Variants in EIF2AK1 observed in about 807,000 individuals in gnomAD.
The protein encoded by EIF2AK1 is eukaryotic translation initiation factor 2 alpha kinase 1.
Under a neutral mutation model 77.9 loss-of-function variants are expected in EIF2AK1, and 54 were observed. The ratio of observed to expected loss-of-function variants is 0.69; its 90% CI spans 0.56 to 0.87. EIF2AK1 has a LOEUF of 0.87. Among genes scored for constraint, EIF2AK1 ranks in the 40% least tolerant of loss-of-function variants. EIF2AK1 has a pLI of 0.00. For missense variants in EIF2AK1, 810 were observed against 768.6 expected, an observed-to-expected ratio of 1.05 and a Z score of -0.64; for synonymous variants, 314 against 290.5, an observed-to-expected ratio of 1.08 and a Z score of -0.82.
chr7:6,027,006 T>C lies in EIF2AK1; in HGVS notation c.1531-45A>G, dbSNP rs1787766953. The C allele has an allele frequency of 1.3e-6, 2 of 1,503,442 alleles. No individual in the cohort carries two copies. Among genetic ancestry groups the C allele is most frequent in the Non-Finnish European group, 1.8e-6 (2 of 1,085,690 alleles). The allele number at this position is 1,503,442 out of a possible 1,614,324, so 93.1% of individuals were successfully genotyped here. The stretch of plus-strand genomic sequence containing the variant: ...GGAACTCAGTAGTGAAATACAAAGT[T>C]AGAAGAACGTTTCCATTTCCGTGTT... On this transcript the variant is annotated intron_variant, in intron 13 of 14. Transcript: ENST00000199389. The surrounding 1 kb of genome is among the most constrained non-coding windows in gnomAD (Gnocchi z 4.5).
At chr7:6,049,801 T>A (rs1201758304) in intron 3 of EIF2AK1, 111 bp downstream of exon 3, 1 of 1,121,382 alleles carries the variant, frequency 8.9e-7, no homozygotes, top group Non-Finnish European at 1.3e-6. Context: ...CTAGAGTTTA[T>A]ACTTTTAAAA....
chr7:6,044,054 G>A (rs915517837), intron 7 of EIF2AK1, among the ~76,000 whole-genome samples: 1 of 150,522 alleles, frequency 6.6e-6, no homozygotes, highest in Non-Finnish European at 1.5e-5. Context: ...AGCAAAGATC[G>A]CGCCACTACA....
chr7:6,029,150 T>C, intron 11 of EIF2AK1, 118 bp from the exon 12 acceptor site: 1 of 849,606 alleles, frequency 1.2e-6, no homozygotes, highest in South Asian at 1.6e-5. Context: ...AGTTAAATAT[T>C]TGAGGAATAG....
rs1199097037 is a variant in EIF2AK1 at position 6,044,808 on chromosome 7, G to A, written c.631-147C>T. 4 of 672,864 alleles carry A rather than the reference G, an allele frequency of 5.9e-6. No homozygotes were observed. The East Asian group carries it at 1.1e-4, about 19-fold the overall frequency. The allele number at this position is 672,864 out of a possible 1,614,324, so 41.7% of individuals were successfully genotyped here. On this transcript the variant is annotated intron_variant, in intron 6 of 14. Transcript: ENST00000199389. Reference sequence around the variant, plus strand: ...CAATTTTTGACATACTTTGAATTTTGATCTTTTCTCCAGCTTGCAGTATGC... The same window carrying A: ...CAATTTTTGACATACTTTGAATTTTAATCTTTTCTCCAGCTTGCAGTATGC...
At chr7:6,031,832 T>C (rs375964489) in intron 11 of EIF2AK1, among the ~76,000 whole-genome samples, 1 of 152,192 alleles carries the variant, frequency 6.6e-6, no homozygotes, top group Non-Finnish European at 1.5e-5. Flanking sequence ...ATTCATGTCA[T>C]CTCTCAAACA....
At position 6,038,581 on chromosome 7, in the gene EIF2AK1, C is replaced by T. The variant is rs1251314622; in HGVS notation, c.1210G>A (p.Glu404Lys). Reference protein sequence around the residue: ...WIVERNKRGREYVDESACPYV... With the variant: ...WIVERNKRGRKYVDESACPYV... ...TCACAGGCAGACTCGTCCACATACTCCCGGCCCCGCTTGTTTCTCTCGACT... is the reference window on the plus strand; with the variant it reads ...TCACAGGCAGACTCGTCCACATACTTCCGGCCCCGCTTGTTTCTCTCGACT... Residue 404 changes from glutamate to lysine, a missense_variant, in exon 10 of 15, where the codon GAG becomes AAG. Physicochemically the swap from Glu to Lys is moderately conservative, Grantham distance 56. Coordinates refer to ENST00000199389, the MANE Select transcript of EIF2AK1 (RefSeq NM_014413.4). 2 of 1,612,924 alleles carry T rather than the reference C, an allele frequency of 1.2e-6. No individual in the cohort carries two copies. The highest frequency in any genetic ancestry group is 2.2e-5 in the South Asian group (2 of 90,796).
At chr7:6,037,096 T>C (rs892533642) in intron 11 of EIF2AK1, among the ~76,000 whole-genome samples, 3 of 152,064 alleles carry the variant, frequency 2.0e-5, no homozygotes, top group Non-Finnish European at 4.4e-5. Flanking sequence ...CTGGGCATGG[T>C]AGCACATGCC....
chr7:6,057,126 C>CTTTTTTTT (rs34958065), intron 1 of EIF2AK1, among the ~76,000 whole-genome samples: 2 of 90,736 alleles, frequency 2.2e-5, no homozygotes, highest in African/African-American at 4.6e-5. Context: ...GACCCCATCT[C>CTTTTTTTT]TTTTTTTTTT....
chr7:6,051,468 T>C (rs754042931), intron 2 of EIF2AK1, among the ~76,000 whole-genome samples: 2 of 151,934 alleles, frequency 1.3e-5, no homozygotes, highest in Non-Finnish European at 2.9e-5. Context: ...CTCACCCTGT[T>C]GCCCAAATTG....
Position 6,023,988 on chromosome 7 carries a change from C to A in EIF2AK1, c.*685G>T. The A allele has an allele frequency of 2.9e-6, 4 of 1,363,320 alleles. No homozygotes were observed. Among genetic ancestry groups the A allele is most frequent in the Non-Finnish European group, 3.9e-6 (4 of 1,038,324 alleles). The allele number at this position is 1,363,320 out of a possible 1,614,324, so 84.5% of individuals were successfully genotyped here. A position where few individuals can be genotyped will look rare whatever the true frequency, so the allele number is the denominator to read the frequency against. On this transcript the variant is annotated 3_prime_UTR_variant, in exon 15 of 15. Transcript: ENST00000199389. ...AGATTGGCTGGGGAGCTGAGTGCTA[C>A]AATAAAGGAGGAAGTACCGGGGAAC... is the stretch of plus-strand genomic sequence containing the variant.
At chr7:6,053,172 A>C (rs1788655470) in intron 2 of EIF2AK1, among the ~76,000 whole-genome samples, 1 of 152,154 alleles carries the variant, frequency 6.6e-6, no homozygotes, top group African/African-American at 2.4e-5. Flanking sequence ...TCACAGCATT[A>C]AACAACATAT....
intron 1 of EIF2AK1, among the ~76,000 whole-genome samples, chr7:6,056,613 A>AAAAAAAAAAAAAAAAAATAC: frequency 2.3e-5 from 1 of 43,730 alleles, no homozygotes; most frequent in African/African-American, 8.2e-5. Flanking sequence ...AAAAAAAAAA[A>AAAAAAAAAAAAAAAAAATAC]ATATATATAT....
chr7:6,038,420 CAG>C (rs2128888487), intron 10 of EIF2AK1, 138 bp downstream of exon 10: 2 of 566,668 alleles, frequency 3.5e-6, no homozygotes, highest in East Asian at 3.2e-5. Flanking sequence ...GAGCAACAAA[CAG>C]AGCAAAGCTC....
rs974088563 is a variant in EIF2AK1 at position 6,027,119 on chromosome 7, A to T, written c.1531-158T>A. On this transcript the variant is annotated intron_variant, in intron 13 of 14. Transcript: ENST00000199389. The surrounding 1 kb of genome is among the most constrained non-coding windows in gnomAD (Gnocchi z 4.5). ...AACAGAGCAGGATAGCTCATCAGTG[A>T]CAGGGACTTTCACAACCTCAAAAAG... Among the ~76,000 whole-genome samples the T allele has an allele frequency of 6.6e-6, 1 of 152,226 alleles. No individual in the cohort carries two copies. The highest frequency in any genetic ancestry group is 2.4e-5 in the African/African-American group (1 of 41,464).
At chr7:6,034,045 C>G (rs866058445) in intron 11 of EIF2AK1, among the ~76,000 whole-genome samples, 1 of 151,010 alleles carries the variant, frequency 6.6e-6, no homozygotes, top group African/African-American at 2.4e-5. Flanking sequence ...AGGCCGGGCG[C>G]GGTGGCTCAC....
At chr7:6,045,416 A>T (rs1788418743) in intron 6 of EIF2AK1, among the ~76,000 whole-genome samples, 1 of 152,052 alleles carries the variant, frequency 6.6e-6, no homozygotes. Context: ...AATATAATGG[A>T]AATATTTTTA....
rs182494844 is a variant in EIF2AK1, at chr7:6,046,980, G to A, written c.549+12C>T. 10 of 1,593,492 alleles carry A rather than the reference G, an allele frequency of 6.3e-6. No homozygotes were observed. The highest frequency in any genetic ancestry group is 2.2e-5 in the East Asian group (1 of 44,744). On this transcript the variant is annotated intron_variant, in intron 5 of 14. Coordinates refer to ENST00000199389, the MANE Select transcript of EIF2AK1 (RefSeq NM_014413.4). ...TAGGGTAGTAGGTCAAAACAAGTAC[G>A]TGGAAGACAACCTTGTATACTCTTC... is the stretch of plus-strand genomic sequence containing the variant.
intron 2 of EIF2AK1, among the ~76,000 whole-genome samples, chr7:6,053,913 T>A (rs1413669538): frequency 7.0e-6 from 1 of 142,462 alleles, no homozygotes; most frequent in Non-Finnish European, 1.5e-5. Flanking sequence ...CTCAAGTGAT[T>A]CACCCACCTT....
At chr7:6,040,045 T>C (rs1345814286) in intron 9 of EIF2AK1, among the ~76,000 whole-genome samples, 1 of 152,188 alleles carries the variant, frequency 6.6e-6, no homozygotes, top group African/African-American at 2.4e-5. Context: ...CAAGACAGAT[T>C]ATGTGTAGAC....
Sources: gnomAD v4.1 joint callset for allele counts (sites outside exome capture counted in the v4.1 genomes callset) on GRCh38, gnomAD v4.1.1 for gene constraint, Gnocchi (gnomAD v3.1) non-coding constraint, MANE v1.5 for transcripts, NCBI Gene and HGNC (gene_info 2026-07-23, HGNC 2026-07-21) for gene names.